BCKDHB: variants seen among roughly 807,000 people sequenced by gnomAD.
The protein encoded by BCKDHB is 2-oxoisovalerate dehydrogenase subunit beta, mitochondrial.
A neutral mutation model predicts 48.5 loss-of-function variants in BCKDHB; 41 were observed. The ratio of observed to expected loss-of-function variants is 0.85; its 90% CI spans 0.66 to 1.10. The LOEUF (loss-of-function observed/expected upper bound fraction) is 1.10, where lower values mean the gene tolerates loss of function less well. Among genes scored for constraint, BCKDHB ranks in the 50% least tolerant of loss-of-function variants. The pLI, the probability that BCKDHB is intolerant of heterozygous loss-of-function variation, is 0.00. For synonymous variants in BCKDHB, 201 were observed against 174.8 expected (o/e 1.15, Z -1.18); for missense variants, 496 against 494.2 (o/e 1.00, Z -0.03).
the BCKDHB span, among the ~76,000 whole-genome samples, chr6:80,389,307 C>T: frequency 1.2e-3 from 186 of 152,330 alleles, no homozygotes; most frequent in African/African-American, 4.4e-3. Flanking sequence ...CTCACCAAGG[C>T]TGACCTGGCT....
chr6:80,201,811 TGG>T (rs1774410176), intron 7 of BCKDHB, among the ~76,000 whole-genome samples: 1 of 152,178 alleles, frequency 6.6e-6, no homozygotes, highest in African/African-American at 2.4e-5. Context: ...TTTACAGATA[TGG>T]TCAGTTTTAA....
the BCKDHB span, among the ~76,000 whole-genome samples, chr6:80,403,988 G>C: frequency 1.3e-5 from 2 of 151,930 alleles, no homozygotes; most frequent in Non-Finnish European, 2.9e-5. Flanking sequence ...TCAGTGGTTA[G>C]TTGAGAATTT....
chr6:80,381,087 C>G, the BCKDHB span, among the ~76,000 whole-genome samples: 3 of 151,916 alleles, frequency 2.0e-5, no homozygotes, highest in Non-Finnish European at 2.9e-5. Flanking sequence ...ATAAAATGAT[C>G]TGGTATTATT....
chr6:80,106,727 C>T lies in BCKDHB; in HGVS notation c.34C>T (p.Leu12Phe). Reference protein sequence around the residue: ...AVVAAAAGWLLRLRAAGAEGH... With the variant: ...AVVAAAAGWLFRLRAAGAEGH... ...TGTAGCGGCGGCTGCCGGCTGGCTA[C>T]TCAGGCTCAGGGCGGCAGGGGCTGA... is the stretch of plus-strand genomic sequence containing the variant. Residue 12 changes from leucine (L) to phenylalanine (F), a missense_variant, in exon 1 of 10, where the codon CTC becomes TTC. Coordinates refer to ENST00000320393, the MANE Select transcript of BCKDHB (RefSeq NM_183050.4). 1 of 1,556,926 alleles carries T rather than the reference C, an allele frequency of 6.4e-7. No homozygotes were observed. Among genetic ancestry groups the T allele is most frequent in the Non-Finnish European group, 8.7e-7 (1 of 1,151,390 alleles).
chr6:80,437,227 A>G, the BCKDHB span, among the ~76,000 whole-genome samples: 1 of 152,212 alleles, frequency 6.6e-6, no homozygotes, highest in Admixed American at 6.5e-5. Flanking sequence ...AAAGAAAAAA[A>G]AATTCTTACA....
the BCKDHB span, among the ~76,000 whole-genome samples, chr6:80,407,090 C>T: frequency 4.4e-3 from 674 of 152,262 alleles, 3 homozygotes; most frequent in African/African-American, 0.015. Context: ...CCAGTTTTCC[C>T]AGTACCATTT....
chr6:80,202,844 A>G (rs1012598210), intron 7 of BCKDHB, among the ~76,000 whole-genome samples: 2 of 151,644 alleles, frequency 1.3e-5, no homozygotes, highest in Non-Finnish European at 2.9e-5. Context: ...TACCTTCTAC[A>G]TGCCATCTTT....
chr6:80,134,594 A>C (rs1049592924), intron 3 of BCKDHB, among the ~76,000 whole-genome samples: 1 of 152,134 alleles, frequency 6.6e-6, no homozygotes, highest in African/African-American at 2.4e-5. Context: ...GTTTTTAAAA[A>C]GAGGAACACA....
At chr6:80,304,895 TC>T (rs1283027986) in intron 9 of BCKDHB, among the ~76,000 whole-genome samples, 1 of 152,116 alleles carries the variant, frequency 6.6e-6, no homozygotes, top group African/African-American at 2.4e-5. Flanking sequence ...ATTAGAAACT[TC>T]CTTTACCTGA....
intron 3 of BCKDHB, among the ~76,000 whole-genome samples, chr6:80,146,478 C>T (rs925353280): frequency 6.6e-6 from 1 of 152,112 alleles, no homozygotes; most frequent in Middle Eastern, 3.2e-3. Flanking sequence ...TTTGTTCCTC[C>T]CAAAACCCCA....
the BCKDHB span, among the ~76,000 whole-genome samples, chr6:80,409,027 T>C: frequency 2.6e-5 from 4 of 152,214 alleles, no homozygotes; most frequent in Non-Finnish European, 5.9e-5. Flanking sequence ...TAAATTTCCC[T>C]CTATACAGTG....
chr6:80,261,752 A>G, intron 8 of BCKDHB, among the ~76,000 whole-genome samples: 1 of 152,132 alleles, frequency 6.6e-6, no homozygotes, highest in Non-Finnish European at 1.5e-5. Context: ...GGTTGAGAGT[A>G]CACAGTGGTT....
At chr6:80,162,290 A>G (rs2127767160) in intron 3 of BCKDHB, among the ~76,000 whole-genome samples, 1 of 152,290 alleles carries the variant, frequency 6.6e-6, no homozygotes, top group Middle Eastern at 3.4e-3. Flanking sequence ...ACTAATAAGA[A>G]CTTGGATAAG....
rs190392149 is a variant in BCKDHB at position 80,307,985 on chromosome 6, G to C, written c.1038+34764G>C. ...AATTTTGAATGCCAGATACTGCAAA[G>C]AATTCTACAATCACAACTAAGGGGA... On this transcript the variant is annotated intron_variant, in intron 9 of 9. Coordinates refer to ENST00000320393, the MANE Select transcript of BCKDHB (RefSeq NM_183050.4). 1.2e-5 allele frequency: 11 copies of C among 904,618 alleles called. No individual in the cohort carries two copies. The East Asian group carries it at 8.3e-4, about 68-fold the overall frequency. 56.0% of individuals were successfully genotyped at this position (904,618 alleles called of 1,614,324 possible).
the BCKDHB span, among the ~76,000 whole-genome samples, chr6:80,433,162 G>C: frequency 1.3e-5 from 2 of 152,202 alleles, no homozygotes; most frequent in African/African-American, 4.8e-5. Flanking sequence ...TGAGGAGGCA[G>C]TCTGACCCTT....
At chr6:80,404,050 T>C in the BCKDHB span, among the ~76,000 whole-genome samples, 2 of 151,944 alleles carry the variant, frequency 1.3e-5, no homozygotes, top group African/African-American at 4.8e-5. Context: ...TTTCTTGTAA[T>C]GTGCTTATCT....
intron 9 of BCKDHB, among the ~76,000 whole-genome samples, chr6:80,336,915 A>G (rs1250630337): frequency 6.6e-6 from 1 of 152,114 alleles, no homozygotes; most frequent in East Asian, 1.9e-4. Flanking sequence ...AATTAATTTG[A>G]TAGATCCATG....
chr6:80,442,241 A>G, the BCKDHB span, among the ~76,000 whole-genome samples: 1 of 152,158 alleles, frequency 6.6e-6, no homozygotes, highest in Non-Finnish European at 1.5e-5. Flanking sequence ...ATCACAGTTA[A>G]ATTATACTTG....
At chr6:80,166,682 G>T (rs1772588098) in intron 3 of BCKDHB, among the ~76,000 whole-genome samples, 1 of 151,542 alleles carries the variant, frequency 6.6e-6, no homozygotes, top group Middle Eastern at 3.2e-3. Context: ...TCTAACATAA[G>T]AATTTTTTGA....
Sources: allele counts gnomAD v4.1 joint callset (sites outside exome capture counted in the v4.1 genomes callset), GRCh38; gene constraint gnomAD v4.1.1; transcripts MANE v1.5; gene names NCBI Gene and HGNC (gene_info 2026-07-23, HGNC 2026-07-21).